The following SMC1B variants were observed in gnomAD, a reference collection of about 807,000 sequenced individuals.
The protein encoded by SMC1B is structural maintenance of chromosomes protein 1B.
SMC1B carries 60 observed loss-of-function variants against 157.9 expected under a neutral mutation model. That is an observed-to-expected ratio of 0.38 (90% CI 0.31 to 0.47). The LOEUF is 0.47. Among genes scored for constraint, SMC1B ranks in the 20% least tolerant of loss-of-function variants. The probability of loss-of-function intolerance (pLI) is 0.99; values close to 1 mark genes in which losing one functional copy is unlikely to be tolerated. For synonymous variants in SMC1B, 445 were observed against 483.0 expected (o/e 0.92, Z 1.03); for missense variants, 1,165 against 1,426.2 (o/e 0.82, Z 2.95).
chr22:45,381,758 G>A (rs2086938954), intron 12 of SMC1B, among the ~76,000 whole-genome samples: 1 of 152,124 alleles, frequency 6.6e-6, no homozygotes, highest in African/African-American at 2.4e-5. Flanking sequence ...TCTGTGCCTA[G>A]GCCTAAATTT....
intron 23 of SMC1B, among the ~76,000 whole-genome samples, chr22:45,346,520 G>A (rs1440073893): frequency 6.6e-6 from 1 of 152,220 alleles, no homozygotes; most frequent in Admixed American, 6.5e-5. Flanking sequence ...CCTAGAATGG[G>A]TCTTCTCCAT....
intron 19 of SMC1B, among the ~76,000 whole-genome samples, chr22:45,357,801 A>C (rs902521710): frequency 1.3e-5 from 2 of 152,200 alleles, no homozygotes; most frequent in Non-Finnish European, 2.9e-5. Context: ...GCATACCTAA[A>C]ACCTTTGCAA....
intron 5 of SMC1B, 132 bp downstream of exon 5, chr22:45,402,201 T>C (rs4478023): frequency 0.026 from 18,139 of 704,044 alleles, 1,002 homozygotes; most frequent in African/African-American, 0.17. Flanking sequence ...CTTTATAATT[T>C]TTCTGTATAT....
chr22:45,381,424 T>C (rs900920360), intron 12 of SMC1B, among the ~76,000 whole-genome samples: 1 of 152,078 alleles, frequency 6.6e-6, no homozygotes, highest in Admixed American at 6.6e-5. Flanking sequence ...CCTGGACTCT[T>C]CCAAACTCAG....
chr22:45,373,371 A>T (rs527416822), intron 12 of SMC1B, among the ~76,000 whole-genome samples: 1 of 152,362 alleles, frequency 6.6e-6, no homozygotes, highest in Non-Finnish European at 1.5e-5. Context: ...TGCCAATACC[A>T]TTTATTAAAT....
intron 5 of SMC1B, among the ~76,000 whole-genome samples, chr22:45,401,440 T>G (rs887638941): frequency 1.3e-5 from 2 of 152,244 alleles, no homozygotes. Flanking sequence ...ATGTTCAACA[T>G]GAAGGCTCCA....
chr22:45,398,372 G>A (rs1349292242), intron 6 of SMC1B, among the ~76,000 whole-genome samples: 1 of 152,212 alleles, frequency 6.6e-6, no homozygotes, highest in Admixed American at 6.5e-5. Flanking sequence ...TTCTGCTGGG[G>A]GCTGAGTGAG....
chr22:45,369,308 G>A (rs565594239), intron 15 of SMC1B, among the ~76,000 whole-genome samples: 19 of 151,936 alleles, frequency 1.3e-4, no homozygotes, highest in African/African-American at 4.6e-4. Flanking sequence ...GTGGTAGCCA[G>A]GATGGTCTCT....
chr22:45,387,163 AC>A, intron 10 of SMC1B, 117 bp from the exon 11 acceptor site: 1 of 905,514 alleles, frequency 1.1e-6, no homozygotes, highest in Non-Finnish European at 1.6e-6. Flanking sequence ...AACAGTATGT[AC>A]CCAGCCAGGC....
At chr22:45,390,698 C>T (rs1201167513) in intron 9 of SMC1B, among the ~76,000 whole-genome samples, 1 of 107,868 alleles carries the variant, frequency 9.3e-6, no homozygotes, top group African/African-American at 5.4e-5. Flanking sequence ...AGCAAGACTC[C>T]ATCTTAAAAA....
chr22:45,393,505 T>G (rs1050327893), intron 9 of SMC1B, 129 bp downstream of exon 9: 17 of 717,068 alleles, frequency 2.4e-5, no homozygotes, highest in Non-Finnish European at 3.1e-5. Flanking sequence ...ACACAAAACT[T>G]AAAGATGTCT....
chr22:45,353,356 T>G (rs1394373624), intron 21 of SMC1B, among the ~76,000 whole-genome samples: 2 of 151,824 alleles, frequency 1.3e-5, no homozygotes, highest in Non-Finnish European at 2.9e-5. Flanking sequence ...TCAGTTCAAG[T>G]TCTAAATATC....
chr22:45,387,119 C>A, intron 10 of SMC1B, 73 bp from the exon 11 acceptor site: 1 of 1,303,532 alleles, frequency 7.7e-7, no homozygotes, highest in South Asian at 1.3e-5. Context: ...TATTCTTTCT[C>A]ACAAAACATA....
intron 24 of SMC1B, 78 bp from the exon 25 acceptor site, chr22:45,344,735 C>A: frequency 1.1e-6 from 1 of 905,066 alleles, no homozygotes; most frequent in Non-Finnish European, 1.8e-6. Flanking sequence ...ATTAGTGAGT[C>A]TAGAATTGCA....
At chr22:45,392,390 C>T (rs2087070104) in intron 9 of SMC1B, among the ~76,000 whole-genome samples, 1 of 151,368 alleles carries the variant, frequency 6.6e-6, no homozygotes, top group Non-Finnish European at 1.5e-5. Context: ...AAAAGCAATG[C>T]TATACTTCAA....
At chr22:45,363,858 T>A (rs1238443452) in intron 15 of SMC1B, among the ~76,000 whole-genome samples, 2 of 151,994 alleles carry the variant, frequency 1.3e-5, no homozygotes, top group Non-Finnish European at 2.9e-5. Flanking sequence ...ATAACTATTT[T>A]TTTTTTTTGA....
chr22:45,353,925 CA>C (rs71315137), intron 21 of SMC1B, 52 bp downstream of exon 21: 3 of 303,258 alleles, frequency 9.9e-6, no homozygotes, highest in Non-Finnish European at 1.8e-5. Flanking sequence ...AAAAAACAAC[CA>C]CCACCGGTAA....
At chr22:45,349,455 G>GC (rs61634928) in intron 23 of SMC1B, among the ~76,000 whole-genome samples, 87,751 of 101,368 alleles carry the variant, frequency 0.87, 38,637 homozygotes, top group African/African-American at 0.91. Flanking sequence ...TCCTGCCTCA[G>GC]CTCCTGAGTA....
At chr22:45,365,039 G>A (rs1270208977) in intron 15 of SMC1B, among the ~76,000 whole-genome samples, 3 of 151,810 alleles carry the variant, frequency 2.0e-5, no homozygotes, top group Non-Finnish European at 2.9e-5. Context: ...TGGTTTCACC[G>A]TGTTAGCCAG....
Sources: allele counts gnomAD v4.1 joint callset (sites outside exome capture counted in the v4.1 genomes callset), GRCh38; gene constraint gnomAD v4.1.1; transcripts MANE v1.5; gene names NCBI Gene and HGNC (gene_info 2026-07-23, HGNC 2026-07-21).